Variants in SPAG16 observed in about 807,000 individuals in gnomAD.
SPAG16 encodes the protein sperm-associated antigen 16 protein.
Under a neutral mutation model 80.4 loss-of-function variants are expected in SPAG16, and 86 were observed. That is an observed-to-expected ratio of 1.07 (90% CI 0.90 to 1.28). The LOEUF (loss-of-function observed/expected upper bound fraction) is 1.28, where lower values mean the gene tolerates loss of function less well. Ranked by LOEUF, SPAG16 falls within the 50% of genes most tolerant of loss-of-function variation. The pLI, the probability that SPAG16 is intolerant of heterozygous loss-of-function variation, is 0.00. For missense variants in SPAG16, 870 were observed against 765.3 expected, an observed-to-expected ratio of 1.14 and a Z score of -1.61; for synonymous variants, 294 against 265.9, an observed-to-expected ratio of 1.11 and a Z score of -1.03.
At chr2:214,150,796 T>A (rs1323003903) in intron 15 of SPAG16, among the ~76,000 whole-genome samples, 1 of 151,568 alleles carries the variant, frequency 6.6e-6, no homozygotes, top group African/African-American at 2.4e-5. Context: ...GCCATCCTTG[T>A]CATCCAGCCC....
chr2:214,171,521 T>C (rs1234364508), intron 15 of SPAG16, among the ~76,000 whole-genome samples: 2 of 152,016 alleles, frequency 1.3e-5, no homozygotes, highest in Non-Finnish European at 2.9e-5. Context: ...TCATTATCAT[T>C]ACTTTTCACA....
chr2:214,167,373 A>G (rs1413289606), intron 15 of SPAG16, among the ~76,000 whole-genome samples: 1 of 152,032 alleles, frequency 6.6e-6, no homozygotes. Flanking sequence ...AATGCTGCCA[A>G]TAATTAGGTG....
chr2:213,706,124 G>T (rs2065742392), intron 10 of SPAG16, among the ~76,000 whole-genome samples: 1 of 152,180 alleles, frequency 6.6e-6, no homozygotes, highest in African/African-American at 2.4e-5. Flanking sequence ...TGGTTATTGT[G>T]CACAACCACA....
intron 10 of SPAG16, among the ~76,000 whole-genome samples, chr2:213,575,067 C>G (rs1559270381): frequency 1.3e-5 from 2 of 152,038 alleles, no homozygotes; most frequent in African/African-American, 2.4e-5. Context: ...TTGCTTCTCC[C>G]ACAGACTAAA....
In SPAG16 at chr2:213,882,899, C is replaced by T. The variant is rs1009425880; in HGVS notation, c.1214+20271C>T. Among the ~76,000 whole-genome samples the T allele has an allele frequency of 2.0e-5, 3 of 152,046 alleles. No homozygotes were observed. The South Asian group carries it at 6.2e-4, about 32-fold the overall frequency. On this transcript the variant is annotated intron_variant, in intron 11 of 15. Coordinates refer to ENST00000331683, the MANE Select transcript of SPAG16 (RefSeq NM_024532.5). ...TGTTTTTGTTTTTTTGAGACGGAGT[C>T]TCGCTCCTCTTCTCCCAGGCTGGAG...
intron 13 of SPAG16, among the ~76,000 whole-genome samples, chr2:214,087,189 G>A (rs879814823): frequency 3.3e-5 from 5 of 150,084 alleles, no homozygotes; most frequent in African/African-American, 9.9e-5. Context: ...AAATGATAAT[G>A]GTGAGAAATA....
At chr2:213,841,125 T>C (rs1162685940) in intron 10 of SPAG16, among the ~76,000 whole-genome samples, 1 of 152,170 alleles carries the variant, frequency 6.6e-6, no homozygotes, top group Non-Finnish European at 1.5e-5. Context: ...TTTTGGTTTT[T>C]GTTTTTTGAT....
chr2:214,351,180 A>T (rs907160066), intron 15 of SPAG16, among the ~76,000 whole-genome samples: 2 of 152,190 alleles, frequency 1.3e-5, no homozygotes, highest in African/African-American at 4.8e-5. Context: ...GGGCTGAAAA[A>T]ATATTAATGC....
At chr2:214,139,307 T>C (rs1351037010) in intron 14 of SPAG16, among the ~76,000 whole-genome samples, 1 of 152,074 alleles carries the variant, frequency 6.6e-6, no homozygotes, top group Non-Finnish European at 1.5e-5. Context: ...ATCTCTACCA[T>C]ATTTTTAATT....
chr2:214,156,110 A>T (rs530125854), intron 15 of SPAG16, among the ~76,000 whole-genome samples: 2 of 152,324 alleles, frequency 1.3e-5, no homozygotes, highest in South Asian at 4.1e-4. Context: ...ACTCAAAGCT[A>T]AGACATGGAA....
intron 15 of SPAG16, among the ~76,000 whole-genome samples, chr2:214,347,259 G>A (rs1251487424): frequency 6.6e-6 from 1 of 152,054 alleles, no homozygotes; most frequent in South Asian, 2.1e-4. Context: ...AGACATCTGA[G>A]CAGAGTGTTG....
At chr2:213,407,088 C>T (rs1476646679) in intron 9 of SPAG16, among the ~76,000 whole-genome samples, 1 of 152,016 alleles carries the variant, frequency 6.6e-6, no homozygotes, top group African/African-American at 2.4e-5. Context: ...TTCTGGAGGG[C>T]TAAATGTGTG....
intron 15 of SPAG16, among the ~76,000 whole-genome samples, chr2:214,262,750 C>T (rs557878469): frequency 9.8e-4 from 149 of 151,936 alleles, no homozygotes; most frequent in Admixed American, 2.7e-3. Context: ...ATGAAATAAC[C>T]GCAAATACCA....
rs532731144 is a variant in SPAG16 at position 213,631,423 on chromosome 2, A to G, written c.1070+141333A>G. On this transcript the variant is annotated intron_variant, in intron 10 of 15. Coordinates refer to ENST00000331683, the MANE Select transcript of SPAG16 (RefSeq NM_024532.5). ...TGTATTAATTCGTTTAATTCTTATCACATTATGAAGTGATATGGTTTGGCT... is the reference window on the plus strand; with the variant it reads ...TGTATTAATTCGTTTAATTCTTATCGCATTATGAAGTGATATGGTTTGGCT... Among the ~76,000 whole-genome samples the G allele has an allele frequency of 1.3e-4, 20 of 152,308 alleles. No homozygotes were observed. In the South Asian group the frequency reaches 3.7e-3, roughly 28 times the overall value.
Position 214,013,936 on chromosome 2 carries a change from T to G in SPAG16, c.1401-15T>G, listed in dbSNP as rs757890553. 1.2e-6 allele frequency: 2 copies of G among 1,611,410 alleles called. No homozygotes were observed. Among genetic ancestry groups the G allele is most frequent in the Non-Finnish European group, 1.7e-6 (2 of 1,178,438 alleles). On this transcript the variant is annotated splice_polypyrimidine_tract_variant and intron_variant, in intron 12 of 15. Coordinates refer to ENST00000331683, the MANE Select transcript of SPAG16 (RefSeq NM_024532.5). ...AGATACTAACTCCTAAAATTCTTAA[T>G]TTCTCTCTTTATAGTGAAAGATGCA...
At chr2:213,776,740 G>A (rs1250963042) in intron 10 of SPAG16, among the ~76,000 whole-genome samples, 6 of 151,396 alleles carry the variant, frequency 4.0e-5, no homozygotes, top group Non-Finnish European at 5.9e-5. Context: ...TACTTTTAGA[G>A]ACTAATATAG....
intron 10 of SPAG16, among the ~76,000 whole-genome samples, chr2:213,833,076 G>A (rs1322646500): frequency 6.6e-6 from 1 of 151,712 alleles, no homozygotes; most frequent in African/African-American, 2.4e-5. Context: ...ATATCGCTGT[G>A]TTCTTCCTTC....
chr2:214,001,620 T>C (rs939268965), intron 12 of SPAG16, among the ~76,000 whole-genome samples: 1 of 152,204 alleles, frequency 6.6e-6, no homozygotes, highest in African/African-American at 2.4e-5. Flanking sequence ...GCTCTTACTG[T>C]CCTTTATAAT....
At chr2:214,147,469 TA>T (rs2125560500) in intron 14 of SPAG16, among the ~76,000 whole-genome samples, 1 of 152,254 alleles carries the variant, frequency 6.6e-6, no homozygotes, top group South Asian at 2.1e-4. Context: ...GCATCCAGAT[TA>T]AATTCCGATA....
Sources: allele counts gnomAD v4.1 joint callset (sites outside exome capture counted in the v4.1 genomes callset), GRCh38; gene constraint gnomAD v4.1.1; transcripts MANE v1.5; gene names NCBI Gene and HGNC (gene_info 2026-07-23, HGNC 2026-07-21).